PCNT: variants seen among roughly 807,000 people sequenced by gnomAD.
PCNT encodes the protein pericentrin, also known as kendrin.
PCNT carries 319 observed loss-of-function variants against 380.4 expected under a neutral mutation model. The observed-to-expected ratio is 0.84, with a 90% CI of 0.77 to 0.92. The LOEUF (loss-of-function observed/expected upper bound fraction) is 0.92. Ranked by LOEUF, PCNT falls within the 40% of genes least tolerant of loss-of-function variation. The pLI is 0.00. For missense variants in PCNT, 4,400 were observed against 4,255.3 expected, an observed-to-expected ratio of 1.03 and a Z score of -0.95; for synonymous variants, 1,845 against 1,735.2, an observed-to-expected ratio of 1.06 and a Z score of -1.57.
At chr21:46,357,860 C>A (rs1396736667) in intron 13 of PCNT, among the ~76,000 whole-genome samples, 1 of 152,246 alleles carries the variant, frequency 6.6e-6, no homozygotes, top group African/African-American at 2.4e-5. Flanking sequence ...CGTCCGCGTT[C>A]CCCAGGCTCT....
At position 46,412,981 on chromosome 21, in the gene PCNT, G is replaced by A. The variant is rs754834986; in HGVS notation, c.6139G>A (p.Asp2047Asn). The A allele has an allele frequency of 2.5e-6, 4 of 1,607,822 alleles. No individual in the cohort carries two copies. The highest frequency in any genetic ancestry group is 1.1e-5 in the South Asian group (1 of 91,052). ...VKNEMRLSLE[D>N]GGKGKEKVLE... ...AAATGAAATGCGCCTGAGTCTGGAG[G>A]ACGGCGGCAAGGTGTGGGGAGGGGG... Residue 2047 changes from aspartate (D) to asparagine (N), a missense_variant, in exon 29 of 47, where the codon GAC becomes AAC. Physicochemically the swap from Asp to Asn is conservative, Grantham distance 23 (BLOSUM62 1). Transcript: ENST00000359568.
intron 15 of PCNT, among the ~76,000 whole-genome samples, chr21:46,380,533 G>A (rs922108874): frequency 1.3e-5 from 2 of 151,164 alleles, no homozygotes; most frequent in South Asian, 2.1e-4. Flanking sequence ...AGGTGGGCTC[G>A]GGCAGTTGTG....
chr21:46,352,181 C>T (rs77284071), intron 9 of PCNT, among the ~76,000 whole-genome samples: 6,204 of 152,300 alleles, frequency 0.041, 192 homozygotes, highest in Non-Finnish European at 0.061. Flanking sequence ...ATTCATGTGC[C>T]GACAGAGCCT....
intron 15 of PCNT, among the ~76,000 whole-genome samples, chr21:46,373,820 C>T (rs1025152815): frequency 1.3e-5 from 2 of 151,320 alleles, no homozygotes; most frequent in Admixed American, 6.6e-5. Flanking sequence ...ACCTCCGCCC[C>T]CCGGGTTCAA....
chr21:46,352,944 C>T lies in PCNT; in HGVS notation c.1457-160C>T, dbSNP rs367703624. On this transcript the variant is annotated intron_variant, in intron 9 of 46. Transcript: ENST00000359568. ...AGAGCTCTCCACATTCAGGGGCGTA[C>T]GAGAGTCTAAGCCGTAGGGGTCCCT... 5.3e-5 allele frequency among the ~76,000 whole-genome samples: 8 copies of T among 152,340 alleles called. No individual in the cohort carries two copies. In the East Asian group the frequency reaches 5.8e-4, roughly 11 times the overall value.
In PCNT at chr21:46,411,354, C is replaced by A; in HGVS notation, c.5281C>A (p.His1761Asn). Residue 1761 changes from histidine (H) to asparagine (N), a missense_variant, in exon 28 of 47, where the codon CAC becomes AAC. Coordinates refer to ENST00000359568, the MANE Select transcript of PCNT (RefSeq NM_006031.6). Reference protein sequence around the residue: ...HELSLMGPVVHEVSDSQAGSL... With the variant: ...HELSLMGPVVNEVSDSQAGSL... ...GCTGTCCCTCATGGGGCCTGTGGTG[C>A]ACGAAGTCAGCGACAGTCAGGCTGG... 6.2e-7 allele frequency: 1 copy of A among 1,614,152 alleles called. No individual in the cohort carries two copies. The highest frequency in any genetic ancestry group is 1.1e-5 in the South Asian group (1 of 91,086).
chr21:46,383,865 C>T (rs868842495), intron 16 of PCNT, among the ~76,000 whole-genome samples: 7 of 141,784 alleles, frequency 4.9e-5, no homozygotes, highest in Admixed American at 1.4e-4. Context: ...TATTCAGTGA[C>T]GGAAGCGCAT....
chr21:46,358,600 T>G (rs549581890), intron 13 of PCNT, among the ~76,000 whole-genome samples: 1 of 151,760 alleles, frequency 6.6e-6, no homozygotes, highest in South Asian at 2.1e-4. Flanking sequence ...CAAGTGACTT[T>G]TTGTTGTTGT....
chr21:46,425,866 G>C lies in PCNT; in HGVS notation c.7215G>C (p.Gln2405His). 6.2e-7 allele frequency: 1 copy of C among 1,613,812 alleles called. No homozygotes were observed. The highest frequency in any genetic ancestry group is 8.5e-7 in the Non-Finnish European group (1 of 1,180,032). ...LLQMVRDESH[Q>H]ILALSEGLAP... The stretch of plus-strand genomic sequence containing the variant: ...AGATGGTGCGTGACGAGAGCCACCA[G>C]ATCCTGGCGCTGTCAGAAGGCCTTG... The change falls in exon 33 of 47, where the codon CAG becomes CAC. Residue 2405 changes from glutamine to histidine, a missense_variant. Physicochemically the swap from Gln to His is conservative, Grantham distance 24. Coordinates refer to ENST00000359568, the MANE Select transcript of PCNT (RefSeq NM_006031.6). This position sits in a 1 kb window ranked among gnomAD's most constrained non-coding sequence, Gnocchi z 4.2.
At chr21:46,328,577 C>T (rs2083460279) in intron 2 of PCNT, among the ~76,000 whole-genome samples, 1 of 152,166 alleles carries the variant, frequency 6.6e-6, no homozygotes, top group Non-Finnish European at 1.5e-5. Context: ...TTTCCTGCGT[C>T]AGCCTCCCGT....
intron 15 of PCNT, among the ~76,000 whole-genome samples, chr21:46,373,615 A>T (rs2085230716): frequency 1.1e-5 from 1 of 88,174 alleles, no homozygotes; most frequent in Admixed American, 1.3e-4. Flanking sequence ...TTTAGTAGAG[A>T]TGGGGTTTCA....
intron 11 of PCNT, among the ~76,000 whole-genome samples, chr21:46,354,435 C>A (rs2084398920): frequency 6.6e-6 from 1 of 152,230 alleles, no homozygotes; most frequent in African/African-American, 2.4e-5. Context: ...TTTTGTGTTT[C>A]TTCCTTGAGT....
intron 16 of PCNT, among the ~76,000 whole-genome samples, chr21:46,382,177 C>T (rs1482203865): frequency 3.9e-5 from 5 of 127,168 alleles, no homozygotes; most frequent in Admixed American, 8.5e-5. Flanking sequence ...GATTCAGTGG[C>T]GGAAGCGCAT....
chr21:46,436,774 G>A (rs891817247), intron 39 of PCNT, among the ~76,000 whole-genome samples: 1 of 152,024 alleles, frequency 6.6e-6, no homozygotes. Flanking sequence ...CCGGCTGGAG[G>A]TTTCTGAGCT....
At chr21:46,381,538 G>A (rs1174050087) in intron 15 of PCNT, among the ~76,000 whole-genome samples, 156 bp from the exon 16 acceptor site, 2 of 152,148 alleles carry the variant, frequency 1.3e-5, no homozygotes, top group Non-Finnish European at 2.9e-5. Context: ...TTGAACCCAT[G>A]TTTTCTTTGA....
At chr21:46,401,521 C>A in intron 25 of PCNT, 30 bp from the exon 26 acceptor site, 1 of 1,583,420 alleles carries the variant, frequency 6.3e-7, no homozygotes, top group Non-Finnish European at 8.7e-7. Context: ...CAAATATTTG[C>A]CTAAAATAGA....
intron 13 of PCNT, among the ~76,000 whole-genome samples, chr21:46,360,448 C>T (rs2084667742): frequency 6.8e-6 from 1 of 146,280 alleles, no homozygotes; most frequent in African/African-American, 2.5e-5. Flanking sequence ...TGTTCTCGAT[C>T]TCCTGACCTC....
At chr21:46,325,393 G>A (rs552862268) in intron 1 of PCNT, among the ~76,000 whole-genome samples, 1 of 152,190 alleles carries the variant, frequency 6.6e-6, no homozygotes, top group Non-Finnish European at 1.5e-5. Context: ...GAGGGTGGAG[G>A]GGGGAGGGAG....
intron 2 of PCNT, among the ~76,000 whole-genome samples, chr21:46,330,140 T>C (rs934342824): frequency 6.6e-6 from 1 of 152,174 alleles, no homozygotes; most frequent in African/African-American, 2.4e-5. Context: ...TTTTTTGAGA[T>C]AGGGTCTTGT....
Sources: gnomAD v4.1 joint callset for allele counts (sites outside exome capture counted in the v4.1 genomes callset) on GRCh38, gnomAD v4.1.1 for gene constraint, Gnocchi (gnomAD v3.1) non-coding constraint, MANE v1.5 for transcripts, NCBI Gene and HGNC (gene_info 2026-07-23, HGNC 2026-07-21) for gene names.